Variants in COL11A2 observed in about 807,000 individuals in gnomAD.
The protein encoded by COL11A2 is collagen alpha-2(XI) chain.
In COL11A2, 116 loss-of-function variants were observed where a neutral mutation model predicts 273.4. The ratio of observed to expected loss-of-function variants is 0.42; its 90% CI spans 0.36 to 0.49. The LOEUF is 0.49. COL11A2 is among the 20% of genes least tolerant of loss of function. COL11A2 has a pLI of 0.00. For synonymous variants in COL11A2, 782 were observed against 864.2 expected (o/e 0.90, Z 1.67); for missense variants, 1,866 against 2,309.0 (o/e 0.81, Z 3.93).
Position 33,173,701 on chromosome 6 carries a change from C to T in COL11A2, c.2628G>A (p.Arg876=). The T allele has an allele frequency of 6.4e-7, 1 of 1,571,520 alleles. No individual in the cohort carries two copies. Among genetic ancestry groups the T allele is most frequent in the Non-Finnish European group, 8.6e-7 (1 of 1,157,694 alleles). The change falls in exon 35 of 66, where the codon AGG becomes AGA. Residue 876 remains arginine, a splice_region_variant and synonymous_variant. Transcript: ENST00000341947. This position sits in a 1 kb window ranked among gnomAD's most constrained non-coding sequence, Gnocchi z 6.3. ...GDGPHGPPGE[R]GLPGPQGPNG... Reference sequence around the variant, plus strand: ...AAGGGGACTTTCGATCCACACTCACCCTCTCTCCAGGGGGCCCATGGGGGC... The same window carrying T: ...AAGGGGACTTTCGATCCACACTCACTCTCTCTCCAGGGGGCCCATGGGGGC...
intron 3 of COL11A2, 91 bp downstream of exon 3, chr6:33,188,887 T>G: frequency 7.0e-7 from 1 of 1,435,766 alleles, no homozygotes; most frequent in Non-Finnish European, 9.8e-7. Context: ...CCAAAGGGTC[T>G]CAAGGGTTTC....
rs1184038252 is a variant in COL11A2 at position 33,163,764 on chromosome 6, G to C, written c.5125C>G (p.Pro1709Ala). Reference protein sequence around the residue: ...EVRTPVLEQLPVLDASFSDLG... With the variant: ...EVRTPVLEQLAVLDASFSDLG... ...TCTGAGAAGGAGGCATCCAGCACTGGCAGCTGCTCCAGCACAGGCGTTCGC... is the reference window on the plus strand; with the variant it reads ...TCTGAGAAGGAGGCATCCAGCACTGCCAGCTGCTCCAGCACAGGCGTTCGC... The change falls in exon 66 of 66, where the codon CCA (proline) becomes GCA (alanine). Residue 1709 changes from proline to alanine, a missense_variant. Transcript: ENST00000341947. This position sits in a 1 kb window ranked among gnomAD's most constrained non-coding sequence, Gnocchi z 4.1. 2 of 1,612,960 alleles carry C rather than the reference G, an allele frequency of 1.2e-6. No individual in the cohort carries two copies. The highest frequency in any genetic ancestry group is 2.7e-5 in the African/African-American group (2 of 74,920).
At position 33,190,625 on chromosome 6, in the gene COL11A2, C is replaced by T. The variant is rs949572560; in HGVS notation, c.83-1156G>A. ...GCTGGGTGGGGTGGGTGAGGTGGGG[C>T]GGGCAGGCAGAGAAAAGGCCCTTTG... On this transcript the variant is annotated intron_variant, in intron 1 of 65. Transcript: ENST00000341947. This position sits in a 1 kb window ranked among gnomAD's most constrained non-coding sequence, Gnocchi z 4.5. Among the ~76,000 whole-genome samples, 1 of 147,650 alleles carries T rather than the reference C, an allele frequency of 6.8e-6. No individual in the cohort carries two copies. Among genetic ancestry groups the T allele is most frequent in the Non-Finnish European group, 1.5e-5 (1 of 66,714 alleles).
chr6:33,192,886 T>A (rs1204501319), upstream of COL11A2, among the ~76,000 whole-genome samples: 1 of 151,698 alleles, frequency 6.6e-6, no homozygotes, highest in Non-Finnish European at 1.5e-5. Flanking sequence ...ATTACTTCCC[T>A]CACCCCGCCC....
rs770195447 is a variant in COL11A2 at position 33,170,550 on chromosome 6, C to T, written c.3528+7G>A. The stretch of plus-strand genomic sequence containing the variant: ...TGGTGGCTAGGGTCAGTAGGGGTCA[C>T]ACTCACCATAGGACCCACATCTCCT... On this transcript the variant is annotated splice_region_variant and intron_variant, in intron 47 of 65. Coordinates refer to ENST00000341947, the MANE Select transcript of COL11A2 (RefSeq NM_080680.3). This position sits in a 1 kb window ranked among gnomAD's most constrained non-coding sequence, Gnocchi z 4.3. The T allele has an allele frequency of 1.9e-6, 3 of 1,612,112 alleles. No individual in the cohort carries two copies. Among genetic ancestry groups the T allele is most frequent in the Admixed American group, 1.7e-5 (1 of 59,980 alleles).
In COL11A2 at chr6:33,176,217, G is replaced by A; in HGVS notation, c.2214+42C>T. ...AGGGAAGGCAGTGAAGAGAGGAGAT[G>A]GCAGGACTGAGGTGCTGGGAAGCTG... On this transcript the variant is annotated intron_variant, in intron 28 of 65. Transcript: ENST00000341947. This position sits in a 1 kb window ranked among gnomAD's most constrained non-coding sequence, Gnocchi z 4.9. The A allele has an allele frequency of 6.2e-7, 1 of 1,608,874 alleles. No homozygotes were observed. The highest frequency in any genetic ancestry group is 8.5e-7 in the Non-Finnish European group (1 of 1,177,436).
intron 30 of COL11A2, among the ~76,000 whole-genome samples, chr6:33,174,874 A>C (rs1770683145): frequency 6.6e-6 from 1 of 151,982 alleles, no homozygotes; most frequent in Non-Finnish European, 1.5e-5. Context: ...TGTCAACCTC[A>C]GCTCCATCTA....
In COL11A2 at chr6:33,178,129, T is replaced by C; in HGVS notation, c.1872+3A>G. 1 of 1,608,430 alleles carries C rather than the reference T, an allele frequency of 6.2e-7. No individual in the cohort carries two copies. The highest frequency in any genetic ancestry group is 8.5e-7 in the Non-Finnish European group (1 of 1,177,240). On this transcript the variant is annotated splice_donor_region_variant and intron_variant, in intron 21 of 65. Transcript: ENST00000341947. The surrounding 1 kb of genome is among the most constrained non-coding windows in gnomAD (Gnocchi z 4.6). Reference sequence around the variant, plus strand: ...CAGGGTCAGAAGTCAGGGAGTCACTTACAGGGGGTCCAGGAATACCAGGTG... The same window carrying C: ...CAGGGTCAGAAGTCAGGGAGTCACTCACAGGGGGTCCAGGAATACCAGGTG...
At chr6:33,180,221 C>A in intron 12 of COL11A2, 37 bp downstream of exon 12, 1 of 1,586,778 alleles carries the variant, frequency 6.3e-7, no homozygotes, top group South Asian at 1.1e-5. Flanking sequence ...CCTTGTCTTC[C>A]CCATCAGCAT....
chr6:33,179,903 G>T lies in COL11A2; in HGVS notation c.1360-98C>A. 8.7e-7 allele frequency: 1 copy of T among 1,152,010 alleles called. No homozygotes were observed. The allele number at this position is 1,152,010 out of a possible 1,614,324, so 71.4% of individuals were successfully genotyped here. On this transcript the variant is annotated intron_variant, in intron 12 of 65. Coordinates refer to ENST00000341947, the MANE Select transcript of COL11A2 (RefSeq NM_080680.3). The surrounding 1 kb of genome is among the most constrained non-coding windows in gnomAD (Gnocchi z 6.4). ...CCAGCGTTTCTGCCCCTTGCCCCAGGTTCTGCCCATCCAGCATTTCCCATG... is the reference window on the plus strand; with the variant it reads ...CCAGCGTTTCTGCCCCTTGCCCCAGTTTCTGCCCATCCAGCATTTCCCATG...
chr6:33,171,331 G>A lies in COL11A2; in HGVS notation c.3259-7C>T. On this transcript the variant is annotated splice_region_variant and splice_polypyrimidine_tract_variant and intron_variant, in intron 43 of 65. Coordinates refer to ENST00000341947, the MANE Select transcript of COL11A2 (RefSeq NM_080680.3). The stretch of plus-strand genomic sequence containing the variant: ...CGGGGTCCCCCACCTCACCCTGGGA[G>A]GAGAAGGCAGACAAGATATTAGAGA... 2.5e-6 allele frequency: 4 copies of A among 1,614,192 alleles called. No homozygotes were observed. Among genetic ancestry groups the A allele is most frequent in the Non-Finnish European group, 3.4e-6 (4 of 1,180,014 alleles).
intron 31 of COL11A2, 117 bp downstream of exon 31, chr6:33,174,410 C>T (rs980735202): frequency 2.1e-6 from 3 of 1,437,008 alleles, no homozygotes; most frequent in African/African-American, 2.8e-5. Flanking sequence ...TGGGGGTCAG[C>T]TAAATTCCCT....
intron 8 of COL11A2, among the ~76,000 whole-genome samples, chr6:33,183,865 T>C (rs890770122): frequency 2.0e-5 from 3 of 150,062 alleles, no homozygotes; most frequent in African/African-American, 4.9e-5. Context: ...AGACAGGAAG[T>C]GATCAAGAAA....
chr6:33,168,828 AC>A, intron 52 of COL11A2, 69 bp from the exon 53 acceptor site: 1 of 1,603,086 alleles, frequency 6.2e-7, no homozygotes, highest in Non-Finnish European at 8.5e-7. Flanking sequence ...AACTGTCAAT[AC>A]CCCATCCCCT....
At position 33,185,685 on chromosome 6, in the gene COL11A2, G is replaced by C. The variant is rs1414940026; in HGVS notation, c.876+16C>G. ...CTGGGAGAAAGGGAAGAAATGAAGG[G>C]GTCCCTTGAGTTTACCTGATAATCA... On this transcript the variant is annotated intron_variant, in intron 6 of 65. Coordinates refer to ENST00000341947, the MANE Select transcript of COL11A2 (RefSeq NM_080680.3). 7.6e-7 allele frequency: 1 copy of C among 1,307,196 alleles called. No homozygotes were observed. The highest frequency in any genetic ancestry group is 1.9e-5 in the Admixed American group (1 of 52,458). 81.0% of individuals were successfully genotyped at this position (1,307,196 alleles called of 1,614,324 possible).
At position 33,169,432 on chromosome 6, in the gene COL11A2, G is replaced by A. The variant is rs1293342751; in HGVS notation, c.3749C>T (p.Pro1250Leu). ...GESGQPGEPG[P>L]PGPKGPTGDD... ...GCCTGTGGGGCCTTTAGGCCCTGGT[G>A]GCCCTGGCTCTCCTGGCTGCCCCGA... The change falls in exon 51 of 66, where the codon CCA becomes CTA. Residue 1250 changes from proline (P) to leucine (L), a missense_variant. Coordinates refer to ENST00000341947, the MANE Select transcript of COL11A2 (RefSeq NM_080680.3). This position sits in a 1 kb window ranked among gnomAD's most constrained non-coding sequence, Gnocchi z 5.5. 13 of 1,612,868 alleles carry A rather than the reference G, an allele frequency of 8.1e-6. No homozygotes were observed. The highest frequency in any genetic ancestry group is 1.7e-5 in the Admixed American group (1 of 60,010).
chr6:33,182,188 A>C (rs2281160), intron 8 of COL11A2, among the ~76,000 whole-genome samples: 21,822 of 151,408 alleles, frequency 0.14, 2,111 homozygotes, highest in Admixed American at 0.26. Context: ...GCAGGAGAAT[A>C]GCTTGAACCC....
In COL11A2 at chr6:33,176,317, G is replaced by A. The variant is rs1223853188; in HGVS notation, c.2170-14C>T. ...TCCGTCCACACCCTAGAATTAGAGAGGGGATAGAAGTAGACTGATCAGGGG... is the reference window on the plus strand; with the variant it reads ...TCCGTCCACACCCTAGAATTAGAGAAGGGATAGAAGTAGACTGATCAGGGG... On this transcript the variant is annotated splice_polypyrimidine_tract_variant and intron_variant, in intron 27 of 65. Transcript: ENST00000341947. The surrounding 1 kb of genome is among the most constrained non-coding windows in gnomAD (Gnocchi z 4.9). 1.9e-6 allele frequency: 3 copies of A among 1,603,970 alleles called. No homozygotes were observed. The highest frequency in any genetic ancestry group is 2.6e-6 in the Non-Finnish European group (3 of 1,175,238).
rs1216736396 is a variant in COL11A2 at position 33,165,167 on chromosome 6, G to A, written c.4751-203C>T. Among the ~76,000 whole-genome samples, 2 of 151,838 alleles carry A rather than the reference G, an allele frequency of 1.3e-5. No individual in the cohort carries two copies. Among genetic ancestry groups the A allele is most frequent in the Admixed American group, 6.5e-5 (1 of 15,270 alleles). ...TACTGCTGCAGCCCACTTTCATCAC[G>A]TGACACCTCTGCCCCCAACAGTAAC... is the stretch of plus-strand genomic sequence containing the variant. On this transcript the variant is annotated intron_variant, in intron 63 of 65. Coordinates refer to ENST00000341947, the MANE Select transcript of COL11A2 (RefSeq NM_080680.3). The surrounding 1 kb of genome is among the most constrained non-coding windows in gnomAD (Gnocchi z 7.7).
Sources: allele counts gnomAD v4.1 joint callset (sites outside exome capture counted in the v4.1 genomes callset), GRCh38; gene constraint gnomAD v4.1.1; non-coding constraint Gnocchi (gnomAD v3.1); transcripts MANE v1.5; gene names NCBI Gene and HGNC (gene_info 2026-07-23, HGNC 2026-07-21).